The following ST3GAL2 variants were observed in gnomAD, a reference collection of about 807,000 sequenced individuals.
ST3GAL2 encodes the protein ST3 beta-galactoside alpha-2,3-sialyltransferase 2.
ST3GAL2 carries 16 observed loss-of-function variants against 37.5 expected under a neutral mutation model. The ratio of observed to expected loss-of-function variants is 0.43; its 90% CI spans 0.29 to 0.65. The LOEUF (loss-of-function observed/expected upper bound fraction) is 0.65, where lower values mean the gene tolerates loss of function less well. ST3GAL2 is among the 30% of genes least tolerant of loss of function. ST3GAL2 has a pLI of 0.17. For synonymous variants in ST3GAL2, 238 were observed against 202.9 expected (o/e 1.17, Z -1.47); for missense variants, 383 against 487.8 (o/e 0.79, Z 2.02).
chr16:70,436,125 C>CAAA (rs796840062), intron 1 of ST3GAL2, among the ~76,000 whole-genome samples: 1 of 129,306 alleles, frequency 7.7e-6, no homozygotes, highest in African/African-American at 2.8e-5. Flanking sequence ...GACTCTATCT[C>CAAA]AAAAAAAAAA....
At chr16:70,408,911 A>G (rs1198005023) in intron 1 of ST3GAL2, among the ~76,000 whole-genome samples, 12 of 118,342 alleles carry the variant, frequency 1.0e-4, no homozygotes, top group African/African-American at 2.5e-4. Flanking sequence ...AAAAAAAAAA[A>G]AAAAAAAAAA....
rs374515378 is a variant in ST3GAL2 at position 70,435,547 on chromosome 16, G to A, written c.-1004+3402C>T. On this transcript the variant is annotated intron_variant, in intron 1 of 6. Transcript: ENST00000342907. Reference sequence around the variant, plus strand: ...CGGGAGGTGGAGGTTGCGGTGAGCCGACATCGTGCCATTGCATTCCAGCCT... The same window carrying A: ...CGGGAGGTGGAGGTTGCGGTGAGCCAACATCGTGCCATTGCATTCCAGCCT... 7.2e-5 allele frequency among the ~76,000 whole-genome samples: 11 copies of A among 152,160 alleles called. No homozygotes were observed. In the East Asian group the frequency reaches 1.9e-3, roughly 27 times the overall value.
chr16:70,405,323 C>T (rs1026746767), intron 1 of ST3GAL2, among the ~76,000 whole-genome samples: 9 of 151,898 alleles, frequency 5.9e-5, no homozygotes, highest in Non-Finnish European at 1.0e-4. Context: ...AGACGGATCA[C>T]GAGGTCAGGA....
intron 1 of ST3GAL2, among the ~76,000 whole-genome samples, chr16:70,419,182 G>A (rs1279649024): frequency 6.6e-6 from 1 of 152,216 alleles, no homozygotes; most frequent in African/African-American, 2.4e-5. Flanking sequence ...CCCCAGCAGG[G>A]GCTGATGGCA....
At chr16:70,401,713 G>A (rs967018438) in intron 1 of ST3GAL2, among the ~76,000 whole-genome samples, 1 of 152,068 alleles carries the variant, frequency 6.6e-6, no homozygotes, top group Non-Finnish European at 1.5e-5. Context: ...CTCGGAGGAG[G>A]CAGGCCCAAT....
intron 1 of ST3GAL2, chr16:70,400,515 C>CT (rs1567670057): frequency 1.3e-5 from 2 of 152,320 alleles, no homozygotes; most frequent in African/African-American, 4.8e-5. Context: ...CTCCAGCCCA[C>CT]TTTTGGGGTC....
Position 70,388,449 on chromosome 16 carries a change from T to C in ST3GAL2, c.631A>G (p.Asn211Asp). ...YPESAKNLPANVSFVLVPFKV... is the reference protein window; with the variant it reads ...YPESAKNLPADVSFVLVPFKV... Reference sequence around the variant, plus strand: ...AAGGGCACCAGCACGAAGCTGACGTTGGCGGGCAGGTTCTTGGCACTCTCA... The same window carrying C: ...AAGGGCACCAGCACGAAGCTGACGTCGGCGGGCAGGTTCTTGGCACTCTCA... Residue 211 changes from asparagine to aspartate, a missense_variant, in exon 4 of 7, where the codon AAC (asparagine) becomes GAC (aspartate). By Grantham distance (23) the Asn-to-Asp change is conservative (BLOSUM62 1). Around this residue, in one of 2 missense-constraint regions of ST3GAL2, gnomAD observed 160 missense variants for 248.6 expected, o/e 0.64. Transcript: ENST00000342907. The C allele has an allele frequency of 6.2e-7, 1 of 1,614,098 alleles. No individual in the cohort carries two copies. The highest frequency in any genetic ancestry group is 8.5e-7 in the Non-Finnish European group (1 of 1,180,010).
intron 1 of ST3GAL2, among the ~76,000 whole-genome samples, chr16:70,426,947 C>T (rs1485211371): frequency 6.6e-6 from 1 of 151,516 alleles, no homozygotes; most frequent in Non-Finnish European, 1.5e-5. Context: ...TCCCAGGCTC[C>T]AGCAATCCTC....
chr16:70,388,550 C>A lies in ST3GAL2; in HGVS notation c.534-4G>T. ...CACGGTTGGCGCCTGATTCATCCTG[C>A]AGGGACAAGAGGGTGACATGAGAAT... On this transcript the variant is annotated splice_polypyrimidine_tract_variant and splice_region_variant and intron_variant, in intron 3 of 6. Transcript: ENST00000342907. 1 of 1,575,722 alleles carries A rather than the reference C, an allele frequency of 6.3e-7. No individual in the cohort carries two copies. The highest frequency in any genetic ancestry group is 8.6e-7 in the Non-Finnish European group (1 of 1,158,300).
intron 2 of ST3GAL2, among the ~76,000 whole-genome samples, chr16:70,395,951 A>G (rs1420300460): frequency 6.6e-6 from 1 of 151,960 alleles, no homozygotes; most frequent in East Asian, 1.9e-4. Flanking sequence ...ATTTCATATG[A>G]AACAAGAAAA....
At chr16:70,422,370 G>T (rs1167564642) in intron 1 of ST3GAL2, among the ~76,000 whole-genome samples, 1 of 152,198 alleles carries the variant, frequency 6.6e-6, no homozygotes, top group Non-Finnish European at 1.5e-5. Context: ...AAGCCAAAGG[G>T]AACAGGTGTG....
At position 70,402,283 on chromosome 16, in the gene ST3GAL2, CAAAAAA is replaced by C. The variant is rs1042560583; in HGVS notation, c.-1003-2756_-1003-2751del. Among the ~76,000 whole-genome samples, 9 of 40,714 alleles carry C rather than the reference CAAAAAA, an allele frequency of 2.2e-4. No homozygotes were observed. In the East Asian group the frequency reaches 5.7e-3, roughly 26 times the overall value. The allele number at this position is 40,714 out of a possible 152,430, so 26.7% of individuals were successfully genotyped here. A position where few individuals can be genotyped will look rare whatever the true frequency, so the allele number is the denominator to read the frequency against. On this transcript the variant is annotated intron_variant, in intron 1 of 6. Coordinates refer to ENST00000342907, the MANE Select transcript of ST3GAL2 (RefSeq NM_006927.4). Reference sequence around the variant, plus strand: ...GGGCAACAAGAGCGAAACTATTTCTCAAAAAAAAAAAAAAAAAAAAAAAAAGAATGG... The same window carrying C: ...GGGCAACAAGAGCGAAACTATTTCTCAAAAAAAAAAAAAAAAAAAGAATGG...
At chr16:70,381,919 G>A in intron 6 of ST3GAL2, 57 bp from the exon 7 acceptor site, 1 of 1,599,298 alleles carries the variant, frequency 6.3e-7, no homozygotes, top group South Asian at 1.1e-5. Context: ...GATGGCGCGG[G>A]GCGGGCTCGG....
At chr16:70,404,629 C>T (rs1463951563) in intron 1 of ST3GAL2, among the ~76,000 whole-genome samples, 2 of 152,164 alleles carry the variant, frequency 1.3e-5, no homozygotes, top group Non-Finnish European at 2.9e-5. Flanking sequence ...CTTTGGGCAA[C>T]AGTCTGGCAG....
chr16:70,385,591 T>G (rs552017984), intron 4 of ST3GAL2, among the ~76,000 whole-genome samples: 2 of 151,236 alleles, frequency 1.3e-5, no homozygotes, highest in South Asian at 4.2e-4. Flanking sequence ...AGTAGATTAA[T>G]GGTTGCCTAG....
chr16:70,408,921 A>AAAAAAAGAAAG (rs2047614912), intron 1 of ST3GAL2, among the ~76,000 whole-genome samples: 1 of 140,332 alleles, frequency 7.1e-6, no homozygotes, highest in African/African-American at 2.7e-5. Context: ...AAAAAAAAAA[A>AAAAAAAGAAAG]AAAAAAGAAA....
intron 1 of ST3GAL2, among the ~76,000 whole-genome samples, chr16:70,413,065 A>G (rs2047650064): frequency 6.6e-6 from 1 of 151,874 alleles, no homozygotes; most frequent in East Asian, 1.9e-4. Context: ...CCTGGCCAAC[A>G]TGGTGAAACC....
rs1458477035 is a variant in ST3GAL2 at position 70,377,317 on chromosome 16, C to T, written c.*4372G>A. 1.3e-5 allele frequency: 2 copies of T among 149,796 alleles called. No homozygotes were observed. Among genetic ancestry groups the T allele is most frequent in the African/African-American group, 2.5e-5 (1 of 40,638 alleles). 9.3% of individuals were successfully genotyped at this position (149,796 alleles called of 1,614,324 possible). A position where few individuals can be genotyped will look rare whatever the true frequency, so the allele number is the denominator to read the frequency against. On this transcript the variant is annotated 3_prime_UTR_variant, in exon 7 of 7. Transcript: ENST00000342907. ...CCAACATGGAGAAACCCCGTCTCTA[C>T]TAAAAATACAAAATTAGCCGGGCGT... is the stretch of plus-strand genomic sequence containing the variant.
rs2047407254 is a variant in ST3GAL2, at chr16:70,381,740, G to T, written c.1002C>A (p.Ile334=). The change falls in exon 7 of 7, where the codon ATC becomes ATA. Residue 334 remains isoleucine (I), a synonymous_variant. Coordinates refer to ENST00000342907, the MANE Select transcript of ST3GAL2 (RefSeq NM_006927.4). ...GVHDADFEAH[I]IDMLAKASKI... is the part of the protein sequence containing the mutation. ...TGCTGGCCTTGGCCAGCATGTCGAT[G>T]ATGTGGGCCTCGAAGTCCGCGTCGT... The T allele has an allele frequency of 6.8e-6, 11 of 1,613,990 alleles. No individual in the cohort carries two copies. Among genetic ancestry groups the T allele is most frequent in the Non-Finnish European group, 9.3e-6 (11 of 1,179,974 alleles).
Sources: gnomAD v4.1 joint callset for allele counts (sites outside exome capture counted in the v4.1 genomes callset) on GRCh38, gnomAD v4.1.1 for gene constraint, gnomAD v4.1.1 regional missense constraint, MANE v1.5 for transcripts, NCBI Gene and HGNC (gene_info 2026-07-23, HGNC 2026-07-21) for gene names.